Variants in QKI observed in about 807,000 individuals in gnomAD.
The protein encoded by QKI is QKI, KH domain containing RNA binding.
QKI carries 10 observed loss-of-function variants against 39.0 expected under a neutral mutation model. The ratio of observed to expected loss-of-function variants is 0.26; its 90% CI spans 0.16 to 0.43. QKI has a LOEUF of 0.43. Ranked by LOEUF, QKI falls within the 20% of genes least tolerant of loss-of-function variation. The probability of loss-of-function intolerance (pLI) is 1.00; values close to 1 mark genes in which losing one functional copy is unlikely to be tolerated. For missense variants in QKI, 218 were observed against 428.0 expected, an observed-to-expected ratio of 0.51 and a Z score of 4.33; for synonymous variants, 204 against 155.4, an observed-to-expected ratio of 1.31 and a Z score of -2.33.
At chr6:163,548,944 A>G (rs1200287022) in intron 4 of QKI, among the ~76,000 whole-genome samples, 1 of 152,208 alleles carries the variant, frequency 6.6e-6, no homozygotes, top group East Asian at 1.9e-4. Flanking sequence ...ACTAGAAGGT[A>G]TCGTTTGTAA....
intron 2 of QKI, among the ~76,000 whole-genome samples, chr6:163,464,976 G>T (rs909030552): frequency 1.3e-5 from 2 of 152,124 alleles, no homozygotes; most frequent in South Asian, 2.1e-4. Flanking sequence ...ATTAAAAGGA[G>T]CGTACACCAT....
In QKI at chr6:163,507,045, T is replaced by G. The variant is rs144251434; in HGVS notation, c.403-27937T>G. ...AAGGAAAAATGGCTAGGAAATTGAC[T>G]TTGAACATGAGTAATGGGCATTGAA... On this transcript the variant is annotated intron_variant, in intron 3 of 7. Transcript: ENST00000361752. 3.9e-5 allele frequency among the ~76,000 whole-genome samples: 6 copies of G among 152,270 alleles called. No individual in the cohort carries two copies. The East Asian group carries it at 1.2e-3, about 29-fold the overall frequency.
At chr6:163,462,079 A>G (rs2128220951) in intron 2 of QKI, among the ~76,000 whole-genome samples, 1 of 152,262 alleles carries the variant, frequency 6.6e-6, no homozygotes, top group South Asian at 2.1e-4. Context: ...AAATTCAGTT[A>G]ATCATTTCAT....
chr6:163,480,654 A>T, intron 3 of QKI, among the ~76,000 whole-genome samples: 1 of 152,148 alleles, frequency 6.6e-6, no homozygotes, highest in East Asian at 1.9e-4. Flanking sequence ...GATGTATTAA[A>T]TTTTTTTATG....
At chr6:163,569,513 T>A (rs555037234) in intron 7 of QKI, 1 of 1,259,546 alleles carries the variant, frequency 7.9e-7, no homozygotes, top group East Asian at 6.1e-5. Context: ...TGAATGAGTC[T>A]TAAAAATTAT....
chr6:163,455,237 A>T, intron 1 of QKI, 42 bp from the exon 2 acceptor site: 6 of 1,542,184 alleles, frequency 3.9e-6, no homozygotes, highest in Non-Finnish European at 4.4e-6. Flanking sequence ...TAGCAAGAAT[A>T]TTTTTTTTGT....
chr6:163,570,884 T>A lies in QKI; in HGVS notation c.*174T>A. On this transcript the variant is annotated 3_prime_UTR_variant, in exon 8 of 8. Coordinates refer to ENST00000361752, the MANE Select transcript of QKI (RefSeq NM_006775.3). ...ACAAAAGACAAAGAAATTGTTGTCCTCCAACTCAGCTTTTTTTTTTTTTTT... is the reference window on the plus strand; with the variant it reads ...ACAAAAGACAAAGAAATTGTTGTCCACCAACTCAGCTTTTTTTTTTTTTTT... 2.6e-4 allele frequency: 175 copies of A among 678,382 alleles called. No homozygotes were observed. The highest frequency in any genetic ancestry group is 3.7e-4 in the Non-Finnish European group (161 of 431,232). The allele number at this position is 678,382 out of a possible 1,614,324, so 42.0% of individuals were successfully genotyped here.
At chr6:163,545,041 A>C (rs879202182) in intron 4 of QKI, among the ~76,000 whole-genome samples, 1 of 152,142 alleles carries the variant, frequency 6.6e-6, no homozygotes, top group Non-Finnish European at 1.5e-5. Flanking sequence ...TGTAGAATAC[A>C]AAGACCCATG....
At chr6:163,453,182 C>G (rs1562448577) in intron 1 of QKI, among the ~76,000 whole-genome samples, 1 of 150,512 alleles carries the variant, frequency 6.6e-6, no homozygotes, top group Non-Finnish European at 1.5e-5. Context: ...ACTATGGTTA[C>G]TTATAATAGT....
chr6:163,550,571 A>G (rs1424369951), intron 4 of QKI, among the ~76,000 whole-genome samples: 1 of 152,194 alleles, frequency 6.6e-6, no homozygotes, highest in Admixed American at 6.5e-5. Flanking sequence ...CTCTGGTACC[A>G]CAGCAGTTGC....
intron 3 of QKI, among the ~76,000 whole-genome samples, chr6:163,524,426 T>C (rs998484913): frequency 2.0e-5 from 3 of 152,180 alleles, no homozygotes; most frequent in Non-Finnish European, 4.4e-5. Flanking sequence ...ATTTTATTTG[T>C]TGTTCAGTCA....
intron 2 of QKI, among the ~76,000 whole-genome samples, chr6:163,475,544 C>A (rs1792524603): frequency 6.6e-6 from 1 of 151,776 alleles, no homozygotes; most frequent in Non-Finnish European, 1.5e-5. Flanking sequence ...TGTAACCAAT[C>A]CCCCCCACCC....
In QKI at chr6:163,570,690, C is replaced by T. The variant is rs778954716; in HGVS notation, c.1010-4C>T. Reference sequence around the variant, plus strand: ...TTTGTTTTTTTTTGTTTCTAACCACCCAGCCGCCACCGGCAACTAACCTAT... The same window carrying T: ...TTTGTTTTTTTTTGTTTCTAACCACTCAGCCGCCACCGGCAACTAACCTAT... On this transcript the variant is annotated splice_polypyrimidine_tract_variant and splice_region_variant and intron_variant, in intron 7 of 7. Coordinates refer to ENST00000361752, the MANE Select transcript of QKI (RefSeq NM_006775.3). 3 of 1,612,106 alleles carry T rather than the reference C, an allele frequency of 1.9e-6. No individual in the cohort carries two copies. The highest frequency in any genetic ancestry group is 2.2e-5 in the South Asian group (2 of 90,932).
intron 1 of QKI, among the ~76,000 whole-genome samples, chr6:163,424,095 A>G (rs1277082276): frequency 6.6e-6 from 1 of 152,248 alleles, no homozygotes; most frequent in African/African-American, 2.4e-5. Context: ...GCTCATTTCA[A>G]ATAATTCAAA....
chr6:163,562,148 A>G (rs1048319044), intron 5 of QKI, 79 bp downstream of exon 5: 14 of 964,008 alleles, frequency 1.5e-5, no homozygotes, highest in Admixed American at 1.1e-4. Flanking sequence ...TTGGCAACAC[A>G]ATAATAGTTC....
At chr6:163,513,739 C>T (rs993308609) in intron 3 of QKI, among the ~76,000 whole-genome samples, 1 of 152,076 alleles carries the variant, frequency 6.6e-6, no homozygotes, top group Non-Finnish European at 1.5e-5. Flanking sequence ...AAATGTGAAG[C>T]GCCTAAGATT....
rs148366303 is a variant in QKI, at chr6:163,531,022, AT to A, written c.403-3951del. Among the ~76,000 whole-genome samples, 8 of 150,690 alleles carry A rather than the reference AT, an allele frequency of 5.3e-5. No homozygotes were observed. The South Asian group carries it at 1.0e-3, about 20-fold the overall frequency. ...CTCTAATATTATACAGTTCTGCACC[AT>A]TTTTTTTTATCTCTGTCTTTTGCTA... On this transcript the variant is annotated intron_variant, in intron 3 of 7. Coordinates refer to ENST00000361752, the MANE Select transcript of QKI (RefSeq NM_006775.3).
chr6:163,558,762 G>A (rs1295333353), intron 4 of QKI, among the ~76,000 whole-genome samples: 2 of 152,134 alleles, frequency 1.3e-5, no homozygotes, highest in Non-Finnish European at 2.9e-5. Context: ...GTGGAGGGGA[G>A]TGGTCAGGAC....
chr6:163,551,699 T>A (rs1282023387), intron 4 of QKI, among the ~76,000 whole-genome samples: 1 of 152,214 alleles, frequency 6.6e-6, no homozygotes, highest in Non-Finnish European at 1.5e-5. Context: ...AGCTTAGAAA[T>A]CTCATGAATA....
Sources: gnomAD v4.1 joint callset for allele counts (sites outside exome capture counted in the v4.1 genomes callset) on GRCh38, gnomAD v4.1.1 for gene constraint, MANE v1.5 for transcripts, NCBI Gene and HGNC (gene_info 2026-07-23, HGNC 2026-07-21) for gene names.